The following AMZ1 variants were observed in gnomAD, a reference collection of about 807,000 sequenced individuals.
AMZ1 encodes the protein archaelysin family metallopeptidase 1, also known as archaemetzincin-1.
AMZ1 carries 39 observed loss-of-function variants against 29.9 expected under a neutral mutation model. That is an observed-to-expected ratio of 1.30 (90% CI 1.01 to 1.70). The LOEUF is 1.70. Among genes scored for constraint, AMZ1 ranks in the 40% most tolerant of loss-of-function variants. AMZ1 has a pLI of 0.00. For missense variants in AMZ1, 1,041 were observed against 680.6 expected (o/e 1.53, Z -5.89); for synonymous variants, 458 against 304.0 (o/e 1.51, Z -5.27).
intron 4 of AMZ1, among the ~76,000 whole-genome samples, chr7:2,724,921 C>T (rs1221724866): frequency 6.6e-6 from 1 of 152,218 alleles, no homozygotes; most frequent in Admixed American, 6.5e-5. Flanking sequence ...CCGGATCCGC[C>T]AGGACAGAGA....
Position 2,709,644 on chromosome 7 carries a change from C to T in AMZ1, c.776C>T (p.Thr259Met), listed in dbSNP as rs199808587. 268 of 1,608,290 alleles carry T rather than the reference C, an allele frequency of 1.7e-4. No homozygotes were observed. In the East Asian group the frequency reaches 2.9e-3, roughly 18 times the overall value. Residue 259 changes from threonine to methionine, a missense_variant, in exon 6 of 7, where the codon ACG (threonine) becomes ATG (methionine). Coordinates refer to ENST00000683327, the MANE Select transcript of AMZ1 (RefSeq NM_001384743.1). ...GCTTGGTGGCCTTCCCCCCAGGTCACGTGCCACGAGCTCTGCCACCTTCTG... is the reference window on the plus strand; with the variant it reads ...GCTTGGTGGCCTTCCCCCCAGGTCATGTGCCACGAGCTCTGCCACCTTCTG... The part of the protein sequence containing the change: ...ALGMVQCCKV[T>M]CHELCHLLGL...
chr7:2,735,041 C>T (rs554269269), intron 4 of AMZ1, among the ~76,000 whole-genome samples: 142 of 152,316 alleles, frequency 9.3e-4, no homozygotes, highest in African/African-American at 3.3e-3. Flanking sequence ...CAAGTCCCCC[C>T]GGTCCTCTGC....
chr7:2,700,099 C>T (rs1787961561), intron 1 of AMZ1, 135 bp from the exon 2 acceptor site: 1 of 289,916 alleles, frequency 3.4e-6, no homozygotes, highest in African/African-American at 2.1e-5. Flanking sequence ...CCTGGAGGGG[C>T]CAGGGCTCCC....
intron 4 of AMZ1, among the ~76,000 whole-genome samples, chr7:2,725,210 T>C (rs1159186323): frequency 6.6e-6 from 1 of 152,240 alleles, no homozygotes; most frequent in East Asian, 1.9e-4. Context: ...GCCCAAAGCA[T>C]GGCTGTTCTG....
chr7:2,713,115 G>T lies in AMZ1; in HGVS notation c.*237G>T. ...AAATTAGCTGGATGAAGTGGTTCAT[G>T]CCTGTGTTCCCAGCTATTCAGGAGG... On this transcript the variant is annotated 3_prime_UTR_variant, in exon 7 of 7. Coordinates refer to ENST00000683327, the MANE Select transcript of AMZ1 (RefSeq NM_001384743.1). 1 of 396,926 alleles carries T rather than the reference G, an allele frequency of 2.5e-6. No homozygotes were observed. The highest frequency in any genetic ancestry group is 4.4e-6 in the Non-Finnish European group (1 of 228,672). 24.6% of individuals were successfully genotyped at this position (396,926 alleles called of 1,614,324 possible).
At chr7:2,728,318 A>G (rs1789713104) in intron 4 of AMZ1, 1 of 152,154 alleles carries the variant, frequency 6.6e-6, no homozygotes, top group South Asian at 2.1e-4. Context: ...ATTAGTTACA[A>G]CTAATAATCT....
chr7:2,698,149 C>A (rs896082545), intron 1 of AMZ1, among the ~76,000 whole-genome samples: 4 of 152,146 alleles, frequency 2.6e-5, no homozygotes, highest in Admixed American at 2.6e-4. Flanking sequence ...GTTGCCACTA[C>A]TCAGGAGGCT....
intron 1 of AMZ1, among the ~76,000 whole-genome samples, chr7:2,689,374 G>GGGA (rs1787250417): frequency 6.6e-6 from 1 of 152,128 alleles, no homozygotes. Flanking sequence ...CCTCCCTGGG[G>GGGA]GGGGGATGCG....
chr7:2,733,260 C>T (rs1460283960), intron 4 of AMZ1, among the ~76,000 whole-genome samples: 1 of 152,180 alleles, frequency 6.6e-6, no homozygotes, highest in African/African-American at 2.4e-5. Context: ...AGGCAGTTTC[C>T]TCCCCTCCCC....
intron 1 of AMZ1, among the ~76,000 whole-genome samples, 194 bp downstream of exon 1, chr7:2,688,490 A>AGCGCC (rs1490410428): frequency 6.6e-6 from 1 of 152,088 alleles, no homozygotes. Context: ...GGTTTGGTGC[A>AGCGCC]GCGCCGCGCC....
At chr7:2,759,096 C>T (rs529872979) in intron 4 of AMZ1, among the ~76,000 whole-genome samples, 131 of 151,454 alleles carry the variant, frequency 8.6e-4, no homozygotes, top group African/African-American at 3.0e-3. Context: ...GCCGAGATTA[C>T]ACCATTGCAC....
intron 4 of AMZ1, among the ~76,000 whole-genome samples, chr7:2,749,682 G>A (rs1177413379): frequency 6.6e-6 from 1 of 151,818 alleles, no homozygotes; most frequent in Non-Finnish European, 1.5e-5. Context: ...TAAAAAAAAA[G>A]AAAATCTTAT....
chr7:2,725,862 G>A (rs1349603902), intron 4 of AMZ1, among the ~76,000 whole-genome samples: 1 of 152,132 alleles, frequency 6.6e-6, no homozygotes, highest in Non-Finnish European at 1.5e-5. Flanking sequence ...CCCCTTCCAG[G>A]GCACGCAGTG....
intron 5 of AMZ1, among the ~76,000 whole-genome samples, 183 bp from the exon 6 acceptor site, chr7:2,709,457 A>C (rs886919868): frequency 8.6e-6 from 1 of 116,724 alleles, no homozygotes; most frequent in African/African-American, 2.9e-5. Flanking sequence ...ACCCTGACTC[A>C]CCTTTCCCCT....
rs141545439 is a variant in AMZ1 at position 2,712,412 on chromosome 7, C to A, written c.1031C>A (p.Pro344Gln). Residue 344 changes from proline (P) to glutamine (Q), a missense_variant, in exon 7 of 7, where the codon CCG (proline) becomes CAG (glutamine). By Grantham distance (76) the Pro-to-Gln change is moderately conservative. Coordinates refer to ENST00000683327, the MANE Select transcript of AMZ1 (RefSeq NM_001384743.1). The stretch of plus-strand genomic sequence containing the variant: ...GAGCCGTCAGTGTGGGAGGACACCC[C>A]GCCTGCCAGCGCCGACTCGGGCATG... ...AGEPSVWEDT[P>Q]PASADSGMCC... 3.7e-6 allele frequency: 6 copies of A among 1,611,490 alleles called. No homozygotes were observed. Among genetic ancestry groups the A allele is most frequent in the Non-Finnish European group, 4.2e-6 (5 of 1,179,516 alleles).
intron 1 of AMZ1, among the ~76,000 whole-genome samples, chr7:2,692,233 A>G (rs1787436346): frequency 6.6e-6 from 1 of 152,148 alleles, no homozygotes. Flanking sequence ...GGGAGGACAC[A>G]GTGGGGTTGA....
chr7:2,740,703 G>A (rs566936048), intron 4 of AMZ1, among the ~76,000 whole-genome samples: 27 of 152,264 alleles, frequency 1.8e-4, no homozygotes, highest in African/African-American at 5.8e-4. Flanking sequence ...TTCTTAAACA[G>A]TTTCATAAGA....
In AMZ1 at chr7:2,716,798, ACAT is replaced by A. The variant is rs766987115; in HGVS notation, c.*3928_*3930del. Among the ~76,000 whole-genome samples, 43 of 152,170 alleles carry A rather than the reference ACAT, an allele frequency of 2.8e-4. No homozygotes were observed. Among genetic ancestry groups the A allele is most frequent in the Non-Finnish European group, 5.6e-4 (38 of 68,030 alleles). ...CCTTCCTATGTAACGGAATTTTTTTACATCATCATCGAGTCTCGAAATGACCTG... is the reference window on the plus strand; with the variant it reads ...CCTTCCTATGTAACGGAATTTTTTTACATCATCGAGTCTCGAAATGACCTG... On this transcript the variant is annotated 3_prime_UTR_variant, in exon 7 of 7. Transcript: ENST00000683327.
At chr7:2,749,599 C>T (rs888980918) in intron 4 of AMZ1, among the ~76,000 whole-genome samples, 1 of 151,840 alleles carries the variant, frequency 6.6e-6, no homozygotes, top group African/African-American at 2.4e-5. Flanking sequence ...CAACATGGCA[C>T]ATGTATACAT....
Sources: allele counts gnomAD v4.1 joint callset (sites outside exome capture counted in the v4.1 genomes callset), GRCh38; gene constraint gnomAD v4.1.1; transcripts MANE v1.5; gene names NCBI Gene and HGNC (gene_info 2026-07-23, HGNC 2026-07-21).